BOD1L1: variants seen among roughly 807,000 people sequenced by gnomAD.
BOD1L1 encodes biorientation of chromosomes in cell division protein 1-like 1.
A neutral mutation model predicts 240.7 loss-of-function variants in BOD1L1; 86 were observed. The ratio of observed to expected loss-of-function variants is 0.36; its 90% CI spans 0.30 to 0.43. BOD1L1 has a LOEUF of 0.43. Ranked by LOEUF, BOD1L1 falls within the 20% of genes least tolerant of loss-of-function variation. The pLI is 1.00. For synonymous variants in BOD1L1, 1,268 were observed against 1,272.3 expected (o/e 1.00, Z 0.07); for missense variants, 3,554 against 3,643.5 (o/e 0.98, Z 0.63).
chr4:13,591,833 C>A (rs1426154484), intron 13 of BOD1L1, 90 bp downstream of exon 13: 6 of 998,142 alleles, frequency 6.0e-6, no homozygotes, highest in Non-Finnish European at 8.8e-6. Flanking sequence ...CAGGCAACCC[C>A]TTCAGATGGC....
chr4:13,589,730 T>C (rs1004626087), intron 14 of BOD1L1, among the ~76,000 whole-genome samples: 12 of 152,326 alleles, frequency 7.9e-5, no homozygotes, highest in South Asian at 2.1e-4. Flanking sequence ...GAAGCAAATA[T>C]ACTAAATTGT....
At position 13,603,097 on chromosome 4, in the gene BOD1L1, C is replaced by T; in HGVS notation, c.3803G>A (p.Gly1268Glu). 5 of 1,613,934 alleles carry T rather than the reference C, an allele frequency of 3.1e-6. No homozygotes were observed. The highest frequency in any genetic ancestry group is 3.3e-4 in the Middle Eastern group (2 of 6,062). ...NTAAEEHVAQ[G>E]DATLEHSTNL... Reference sequence around the variant, plus strand: ...TGTGGAATGTTCAAGAGTGGCATCTCCTTGAGCAACATGTTCTTCAGCAGC... The same window carrying T: ...TGTGGAATGTTCAAGAGTGGCATCTTCTTGAGCAACATGTTCTTCAGCAGC... Residue 1268 changes from glycine (G) to glutamate (E), a missense_variant, in exon 10 of 26, where the codon GGA (glycine) becomes GAA (glutamate). By Grantham distance (98) the Gly-to-Glu change is moderately conservative. Around this residue, in one of 2 missense-constraint regions of BOD1L1, gnomAD observed 3,393 missense variants for 3,427.1 expected, o/e 0.99. Transcript: ENST00000040738.
At position 13,601,579 on chromosome 4, in the gene BOD1L1, C is replaced by T; in HGVS notation, c.5321G>A (p.Ser1774Asn). ...DNDAPPGTSA[S>N]QEGDGSVNDG... ...ATTCACAGAACCATCTCCTTCTTGG[C>T]TGGCACTTGTTCCTGGTGGTGCATC... Residue 1774 changes from serine to asparagine, a missense_variant, in exon 10 of 26, where the codon AGC becomes AAC. Physicochemically the swap from Ser to Asn is conservative, Grantham distance 46 (BLOSUM62 1). Coordinates refer to ENST00000040738, the MANE Select transcript of BOD1L1 (RefSeq NM_148894.3). The T allele has an allele frequency of 6.2e-7, 1 of 1,614,048 alleles. No homozygotes were observed. The highest frequency in any genetic ancestry group is 8.5e-7 in the Non-Finnish European group (1 of 1,179,900).
chr4:13,626,853 C>G (rs1488449951), intron 1 of BOD1L1, among the ~76,000 whole-genome samples: 2 of 152,208 alleles, frequency 1.3e-5, no homozygotes, highest in African/African-American at 4.8e-5. Context: ...ATACTAAAGT[C>G]CTGTCTCAGG....
At position 13,604,658 on chromosome 4, in the gene BOD1L1, C is replaced by G. The variant is rs1363351559; in HGVS notation, c.2242G>C (p.Asp748His). The change falls in exon 10 of 26, where the codon GAT (aspartate) becomes CAT (histidine). Residue 748 changes from aspartate to histidine, a missense_variant. By Grantham distance (81) the Asp-to-His change is moderately conservative (BLOSUM62 -1). Transcript: ENST00000040738. Reference protein sequence around the residue: ...KLSVKHKYKGDCMHKTGDETE... With the variant: ...KLSVKHKYKGHCMHKTGDETE... ...TCATCACCTGTTTTATGCATACAAT[C>G]ACCTTTATATTTATGTTTCACAGAC... 6.3e-7 allele frequency: 1 copy of G among 1,583,936 alleles called. No homozygotes were observed. The highest frequency in any genetic ancestry group is 1.4e-5 in the African/African-American group (1 of 72,920).
intron 5 of BOD1L1, 84 bp from the exon 6 acceptor site, chr4:13,611,184 A>G: frequency 1.0e-6 from 1 of 985,762 alleles, no homozygotes; most frequent in Non-Finnish European, 1.5e-6. Flanking sequence ...TAAAGGCAAG[A>G]TGAATTGGAG....
At chr4:13,576,191 C>A (rs187130041) in intron 25 of BOD1L1, among the ~76,000 whole-genome samples, 1 of 151,376 alleles carries the variant, frequency 6.6e-6, no homozygotes, top group South Asian at 2.1e-4. Context: ...TGAGTCACCG[C>A]GCCCAGCCCT....
intron 9 of BOD1L1, among the ~76,000 whole-genome samples, chr4:13,605,736 T>TA (rs1228214361): frequency 6.6e-6 from 1 of 152,222 alleles, no homozygotes; most frequent in African/African-American, 2.4e-5. Flanking sequence ...TATTTTAATT[T>TA]AAAAAGCTGA....
Position 13,604,752 on chromosome 4 carries a change from T to C in BOD1L1, c.2148A>G (p.Leu716=). The change falls in exon 10 of 26, where the codon CTA becomes CTG. Residue 716 remains leucine, a synonymous_variant. Coordinates refer to ENST00000040738, the MANE Select transcript of BOD1L1 (RefSeq NM_148894.3). ...TGGAGGATTTCACCTCTTTCTTAAG[T>C]AGGCTTTTCAAATGTGGTGTTTCAG... ...DDSETPHLKS[L]LKKEVKSSKE... 1.2e-6 allele frequency: 2 copies of C among 1,612,968 alleles called. No homozygotes were observed. The highest frequency in any genetic ancestry group is 1.7e-6 in the Non-Finnish European group (2 of 1,179,616).
At chr4:13,588,451 T>G (rs1472760848) in intron 15 of BOD1L1, among the ~76,000 whole-genome samples, 2 of 152,210 alleles carry the variant, frequency 1.3e-5, no homozygotes, top group African/African-American at 4.8e-5. Context: ...TCTTAGTGGC[T>G]TATTAAAAAT....
intron 5 of BOD1L1, among the ~76,000 whole-genome samples, chr4:13,612,838 T>A (rs1294402403): frequency 6.6e-6 from 1 of 152,172 alleles, no homozygotes; most frequent in South Asian, 2.1e-4. Context: ...ATCAGCCATA[T>A]GGGCAGCCAA....
intron 3 of BOD1L1, among the ~76,000 whole-genome samples, chr4:13,615,063 T>C (rs1356712031): frequency 6.6e-6 from 1 of 152,188 alleles, no homozygotes; most frequent in Non-Finnish European, 1.5e-5. Flanking sequence ...AAGACTATAT[T>C]CTCTAATTAT....
intron 17 of BOD1L1, among the ~76,000 whole-genome samples, chr4:13,584,441 A>AGTGTGTGT (rs36096107): frequency 0.011 from 1,514 of 134,850 alleles, 5 homozygotes; most frequent in African/African-American, 0.016. Flanking sequence ...AGAGAGAGAG[A>AGTGTGTGT]GTGTGTGTGT....
chr4:13,595,438 G>A (rs1472988954), intron 12 of BOD1L1, among the ~76,000 whole-genome samples: 5 of 152,176 alleles, frequency 3.3e-5, no homozygotes, highest in African/African-American at 4.8e-5. Flanking sequence ...AGCAGTATCT[G>A]TGCAGCCACT....
rs114351397 is a variant in BOD1L1, at chr4:13,586,555, T to C, written c.8354-80A>G. The C allele has an allele frequency of 4.3e-4, 378 of 874,480 alleles. 2 individuals carry two copies. In the African/African-American group the frequency reaches 5.5e-3, roughly 13 times the overall value. 54.2% of individuals were successfully genotyped at this position (874,480 alleles called of 1,614,324 possible). On this transcript the variant is annotated intron_variant, in intron 16 of 25. Coordinates refer to ENST00000040738, the MANE Select transcript of BOD1L1 (RefSeq NM_148894.3). The stretch of plus-strand genomic sequence containing the variant: ...AATGCATAGTTCTATTTTAAGACTG[T>C]TTGAGCCTTCTTTCTTAGGCCTGTG...
Position 13,588,185 on chromosome 4 carries a change from CAAAAAAA to C in BOD1L1, c.8281-421_8281-415del, listed in dbSNP as rs201474701. 5.1e-3 allele frequency among the ~76,000 whole-genome samples: 388 copies of C among 76,506 alleles called. 7 individuals are homozygous for C. The highest frequency in any genetic ancestry group is 5.4e-3 in the Non-Finnish European group (210 of 38,534). The allele number at this position is 76,506 out of a possible 152,430, so 50.2% of individuals were successfully genotyped here. ...CCCGTGCAACAGGGGGAGACTGTTT[CAAAAAAA>C]AAAAAAAAAAGAAAAAAAAATCTAG... On this transcript the variant is annotated intron_variant, in intron 15 of 25. Coordinates refer to ENST00000040738, the MANE Select transcript of BOD1L1 (RefSeq NM_148894.3).
rs1400544830 is a variant in BOD1L1, at chr4:13,586,464, C to G, written c.8365G>C (p.Asp2789His). Reference protein sequence around the residue: ...SSEDEPDDNPDVLDSRIETAQ... With the variant: ...SSEDEPDDNPHVLDSRIETAQ... ...GTTTCTATTCTGGAATCCAGGACAT[C>G]TGGATTATCATCTGTAAATCAGTTT... is the stretch of plus-strand genomic sequence containing the variant. Residue 2789 changes from aspartate (D) to histidine (H), a missense_variant, in exon 17 of 26, where the codon GAT becomes CAT. Coordinates refer to ENST00000040738, the MANE Select transcript of BOD1L1 (RefSeq NM_148894.3). 6.2e-7 allele frequency: 1 copy of G among 1,608,180 alleles called. No individual in the cohort carries two copies. Among genetic ancestry groups the G allele is most frequent in the East Asian group, 2.2e-5 (1 of 44,790 alleles).
At chr4:13,615,214 C>A in intron 3 of BOD1L1, 98 bp downstream of exon 3, 3 of 1,228,276 alleles carry the variant, frequency 2.4e-6, no homozygotes, top group East Asian at 2.5e-5. Flanking sequence ...ATTGGAATAG[C>A]CAAATTAAAA....
At chr4:13,588,199 A>G (rs1330875101) in intron 15 of BOD1L1, among the ~76,000 whole-genome samples, 34 of 151,842 alleles carry the variant, frequency 2.2e-4, no homozygotes, top group Admixed American at 2.2e-3. Flanking sequence ...AAAAAAAAAA[A>G]AAAGAAAAAA....
Sources: gnomAD v4.1 joint callset for allele counts (sites outside exome capture counted in the v4.1 genomes callset) on GRCh38, gnomAD v4.1.1 for gene constraint, gnomAD v4.1.1 regional missense constraint, MANE v1.5 for transcripts, NCBI Gene and HGNC (gene_info 2026-07-23, HGNC 2026-07-21) for gene names.